The following TMEM150C variants were observed in gnomAD, a reference collection of about 807,000 sequenced individuals.
TMEM150C encodes the protein transmembrane protein 150C.
Under a neutral mutation model 29.9 loss-of-function variants are expected in TMEM150C, and 10 were observed. That is an observed-to-expected ratio of 0.33 (90% CI 0.21 to 0.57). The LOEUF (loss-of-function observed/expected upper bound fraction) is 0.57, where lower values mean the gene tolerates loss of function less well. Ranked by LOEUF, TMEM150C falls within the 20% of genes least tolerant of loss-of-function variation. The pLI is 0.88. For synonymous variants in TMEM150C, 101 were observed against 112.5 expected (o/e 0.90, Z 0.64); for missense variants, 251 against 303.6 (o/e 0.83, Z 1.29).
At chr4:82,551,712 G>A (rs947215791) in intron 1 of TMEM150C, among the ~76,000 whole-genome samples, 13 of 152,092 alleles carry the variant, frequency 8.5e-5, no homozygotes, top group South Asian at 2.1e-4. Context: ...TATCCAGGGC[G>A]GCTGCCCCTC....
Position 82,504,685 on chromosome 4 carries a change from C to A in TMEM150C, c.-10-18G>T. 6.3e-7 allele frequency: 1 copy of A among 1,589,890 alleles called. No individual in the cohort carries two copies. Among genetic ancestry groups the A allele is most frequent in the South Asian group, 1.1e-5 (1 of 89,664 alleles). On this transcript the variant is annotated intron_variant, in intron 1 of 7. Transcript: ENST00000449862. ...CTGTACCACTGAAATAAAATAAACA[C>A]GTATTAATAATTAAGGCAAAACATT...
intron 1 of TMEM150C, among the ~76,000 whole-genome samples, chr4:82,510,976 T>G (rs570387945): frequency 1.3e-5 from 2 of 152,246 alleles, no homozygotes; most frequent in Non-Finnish European, 1.5e-5. Context: ...ACTGTTTATT[T>G]TGTTTTTCCC....
intron 1 of TMEM150C, among the ~76,000 whole-genome samples, chr4:82,514,457 C>T (rs75524608): frequency 0.015 from 2,305 of 152,276 alleles, 75 homozygotes; most frequent in African/African-American, 0.052. Context: ...ATAATTCATA[C>T]GTTACCCAGC....
At chr4:82,514,068 A>G (rs1035724048) in intron 1 of TMEM150C, among the ~76,000 whole-genome samples, 4 of 152,214 alleles carry the variant, frequency 2.6e-5, no homozygotes, top group African/African-American at 9.6e-5. Context: ...TAACCCCAGC[A>G]CCCACTTCAG....
At position 82,489,611 on chromosome 4, in the gene TMEM150C, T is replaced by A. The variant is rs78106740; in HGVS notation, c.541+450A>T. Among the ~76,000 whole-genome samples, 1,183 of 152,226 alleles carry A rather than the reference T, an allele frequency of 7.8e-3. 22 individuals carry two copies. Among genetic ancestry groups the A allele is most frequent in the South Asian group, 0.045 (215 of 4,830 alleles). ...GCTTGAATTTGTCTTCCAGAAAAGC[T>A]TCATTATTTTCCTGAAATATATAAA... is the stretch of plus-strand genomic sequence containing the variant. On this transcript the variant is annotated intron_variant, in intron 7 of 7. Transcript: ENST00000449862.
At chr4:82,502,528 G>C (rs1476138244) in intron 5 of TMEM150C, among the ~76,000 whole-genome samples, 199 bp downstream of exon 5, 1 of 152,198 alleles carries the variant, frequency 6.6e-6, no homozygotes, top group Admixed American at 6.5e-5. Context: ...AAGAGAAAAT[G>C]TAAGGACAGC....
chr4:82,514,921 T>C (rs1437875055), intron 1 of TMEM150C, among the ~76,000 whole-genome samples: 1 of 152,182 alleles, frequency 6.6e-6, no homozygotes, highest in South Asian at 2.1e-4. Context: ...TTAAGCCACA[T>C]TATTGTTGCC....
chr4:82,483,257 TTAGA>T lies in TMEM150C; in HGVS notation c.*2250_*2253del, dbSNP rs1316324366. 1 of 152,206 alleles carries T rather than the reference TTAGA, an allele frequency of 6.6e-6. No individual in the cohort carries two copies. The highest frequency in any genetic ancestry group is 1.5e-5 in the Non-Finnish European group (1 of 68,036). 9.4% of individuals were successfully genotyped at this position (152,206 alleles called of 1,614,324 possible). A position where few individuals can be genotyped will look rare whatever the true frequency, so the allele number is the denominator to read the frequency against. On this transcript the variant is annotated 3_prime_UTR_variant, in exon 8 of 8. Coordinates refer to ENST00000449862, the MANE Select transcript of TMEM150C (RefSeq NM_001080506.3). ...TGCTTGGTTCTGCTAAAATGTGGTA[TTAGA>T]TATATTCTTAAGAAAGTGTACAATT...
intron 1 of TMEM150C, among the ~76,000 whole-genome samples, chr4:82,539,164 G>C (rs1323628107): frequency 2.0e-5 from 3 of 152,132 alleles, no homozygotes; most frequent in African/African-American, 7.2e-5. Flanking sequence ...TTTATAATGA[G>C]TATCTCTCTT....
intron 1 of TMEM150C, among the ~76,000 whole-genome samples, chr4:82,552,485 T>C (rs1725611845): frequency 6.6e-6 from 1 of 152,122 alleles, no homozygotes. Flanking sequence ...TAAGCTAAGC[T>C]AGGTGTCCAC....
intron 1 of TMEM150C, among the ~76,000 whole-genome samples, chr4:82,523,418 T>C (rs572987567): frequency 7.2e-5 from 11 of 152,280 alleles, no homozygotes; most frequent in South Asian, 4.1e-4. Context: ...CCTTTTAATA[T>C]GCAAATGCAT....
At chr4:82,550,187 C>G (rs1725524334) in intron 1 of TMEM150C, among the ~76,000 whole-genome samples, 1 of 152,174 alleles carries the variant, frequency 6.6e-6, no homozygotes, top group Non-Finnish European at 1.5e-5. Flanking sequence ...TGAGTTCTCA[C>G]AAGATCTGAT....
chr4:82,558,147 T>C (rs1158991010), intron 1 of TMEM150C, among the ~76,000 whole-genome samples: 1 of 152,166 alleles, frequency 6.6e-6, no homozygotes, highest in Non-Finnish European at 1.5e-5. Flanking sequence ...TTAAATGCTA[T>C]CTCTCTAGGA....
intron 1 of TMEM150C, among the ~76,000 whole-genome samples, chr4:82,553,441 C>A (rs764671174): frequency 8.5e-5 from 13 of 152,116 alleles, no homozygotes; most frequent in African/African-American, 1.9e-4. Context: ...TATTCATAGG[C>A]CAAAGTGGAA....
chr4:82,496,344 T>G (rs1325473796), intron 5 of TMEM150C, 149 bp from the exon 6 acceptor site: 5 of 702,320 alleles, frequency 7.1e-6, no homozygotes, highest in Non-Finnish European at 1.1e-5. Flanking sequence ...AAAATTAAAC[T>G]TTTCACCACA....
intron 1 of TMEM150C, 129 bp downstream of exon 1, chr4:82,561,777 C>T: frequency 1.5e-6 from 1 of 680,838 alleles, no homozygotes; most frequent in African/African-American, 2.0e-5. Context: ...GCCGGGCGGA[C>T]CCAGCCGCCC....
chr4:82,526,286 C>T (rs1220656805), intron 1 of TMEM150C, among the ~76,000 whole-genome samples: 1 of 152,140 alleles, frequency 6.6e-6, no homozygotes, highest in African/African-American at 2.4e-5. Context: ...ATATTTGAAT[C>T]CAAGGAAGCA....
At chr4:82,496,327 A>C in intron 5 of TMEM150C, 132 bp from the exon 6 acceptor site, 1 of 871,160 alleles carries the variant, frequency 1.1e-6, no homozygotes, top group Non-Finnish European at 1.7e-6. Flanking sequence ...CTAAAGCCGC[A>C]ATGTGCAAAA....
At chr4:82,543,820 C>G (rs550829679) in intron 1 of TMEM150C, among the ~76,000 whole-genome samples, 1 of 152,230 alleles carries the variant, frequency 6.6e-6, no homozygotes, top group African/African-American at 2.4e-5. Flanking sequence ...CAAGAGAAAC[C>G]CTTGTGGGCC....
Sources: allele counts gnomAD v4.1 joint callset (sites outside exome capture counted in the v4.1 genomes callset), GRCh38; gene constraint gnomAD v4.1.1; transcripts MANE v1.5; gene names NCBI Gene and HGNC (gene_info 2026-07-23, HGNC 2026-07-21).